Variants in BRSK2 observed in about 807,000 individuals in gnomAD.
BRSK2 encodes the protein BR serine/threonine kinase 2.
A neutral mutation model predicts 83.3 loss-of-function variants in BRSK2; 19 were observed. That is an observed-to-expected ratio of 0.23 (90% confidence interval 0.16 to 0.33). The LOEUF is 0.33. BRSK2 is among the 10% of genes least tolerant of loss of function. The pLI, the probability that BRSK2 is intolerant of heterozygous loss-of-function variation, is 1.00. For synonymous variants in BRSK2, 519 were observed against 435.4 expected, an observed-to-expected ratio of 1.19 and a Z score of -2.39; for missense variants, 798 against 1,042.3, an observed-to-expected ratio of 0.77 and a Z score of 3.23.
intron 1 of BRSK2, among the ~76,000 whole-genome samples, chr11:1,396,021 C>T (rs1183523489): frequency 2.0e-5 from 3 of 152,194 alleles, no homozygotes; most frequent in Non-Finnish European, 4.4e-5. Flanking sequence ...CTATCAAGGG[C>T]CGTGGCTCCT....
chr11:1,426,445 A>G (rs1849234854), intron 1 of BRSK2, among the ~76,000 whole-genome samples: 1 of 152,106 alleles, frequency 6.6e-6, no homozygotes, highest in Non-Finnish European at 1.5e-5. Flanking sequence ...TCCGCAGGAG[A>G]CAGAGCACGC....
intron 3 of BRSK2, 127 bp from the exon 4 acceptor site, chr11:1,440,661 C>CA: frequency 1.6e-6 from 2 of 1,280,388 alleles, no homozygotes; most frequent in Admixed American, 2.5e-5. Flanking sequence ...GCTGCCCCCC[C>CA]AGCCAGCAAG....
rs1396189485 is a variant in BRSK2 at position 1,390,888 on chromosome 11, G to A, written c.91+513G>A. ...CTCCGCGGTGGGGGCGGGAGAGTGC[G>A]GGGACCTGCAGAGGGCTGGACAGCG... On this transcript the variant is annotated intron_variant, in intron 1 of 19. Coordinates refer to ENST00000528841, the MANE Select transcript of BRSK2 (RefSeq NM_001256627.2). This position sits in a 1 kb window ranked among gnomAD's most constrained non-coding sequence, Gnocchi z 6.8. 2.0e-5 allele frequency among the ~76,000 whole-genome samples: 3 copies of A among 152,172 alleles called. No individual in the cohort carries two copies. Among genetic ancestry groups the A allele is most frequent in the Admixed American group, 2.0e-4 (3 of 15,288 alleles).
chr11:1,455,151 T>C (rs1846330746), intron 16 of BRSK2, among the ~76,000 whole-genome samples: 1 of 152,078 alleles, frequency 6.6e-6, no homozygotes, highest in Admixed American at 6.5e-5. Context: ...TTGCTGGGCA[T>C]CTTTGGGTTA....
rs781450515 is a variant in BRSK2 at position 1,462,161 on chromosome 11, G to A, written c.*1438G>A. ...CTCTGCAGGGCGTTCTGTGCAGAGC[G>A]AGGCCCAGGGCGCAGCCCTCAGAGG... On this transcript the variant is annotated 3_prime_UTR_variant, in exon 20 of 20. Transcript: ENST00000528841. 2 of 152,156 alleles carry A rather than the reference G, an allele frequency of 1.3e-5. No homozygotes were observed. Among genetic ancestry groups the A allele is most frequent in the African/African-American group, 4.8e-5 (2 of 41,412 alleles). The allele number at this position is 152,156 out of a possible 1,614,324, so 9.4% of individuals were successfully genotyped here.
At position 1,411,405 on chromosome 11, in the gene BRSK2, A is replaced by G. The variant is rs780243308; in HGVS notation, c.91+21030A>G. 1.2e-5 allele frequency: 17 copies of G among 1,463,982 alleles called. No homozygotes were observed. The highest frequency in any genetic ancestry group is 1.5e-5 in the African/African-American group (1 of 68,186). The allele number at this position is 1,463,982 out of a possible 1,614,324, so 90.7% of individuals were successfully genotyped here. ...CCTGGTAGGGCACCAGCCTCACCCC[A>G]TGAGCCCTGAGGGCCACCCCAGCCG... On this transcript the variant is annotated intron_variant, in intron 1 of 19. Transcript: ENST00000528841.
rs1452499096 is a variant in BRSK2 at position 1,456,503 on chromosome 11, C to T, written c.1824C>T (p.Tyr608=). 22 of 1,578,472 alleles carry T rather than the reference C, an allele frequency of 1.4e-5. No homozygotes were observed. Among genetic ancestry groups the T allele is most frequent in the South Asian group, 2.3e-5 (2 of 86,072 alleles). Residue 608 remains tyrosine, a synonymous_variant, in exon 17 of 20, where the codon TAC becomes TAT. Transcript: ENST00000528841. The part of the protein sequence containing the change: ...GGEAQKENGI[Y]SVTFTLLSGP... Reference sequence around the variant, plus strand: ...AGGCGCAGAAGGAGAACGGCATCTACTCCGTCACCTTCACCCTGCTCTCAG... The same window carrying T: ...AGGCGCAGAAGGAGAACGGCATCTATTCCGTCACCTTCACCCTGCTCTCAG...
At chr11:1,398,355 C>T (rs1016639577) in intron 1 of BRSK2, among the ~76,000 whole-genome samples, 5 of 152,102 alleles carry the variant, frequency 3.3e-5, no homozygotes, top group Admixed American at 6.5e-5. Flanking sequence ...CTTCCCTGGG[C>T]GGGGGTGACG....
chr11:1,451,967 C>T (rs147055907), intron 15 of BRSK2, among the ~76,000 whole-genome samples: 12 of 152,166 alleles, frequency 7.9e-5, no homozygotes, highest in Non-Finnish European at 1.5e-4. Context: ...CCAGAGAGAC[C>T]CCTTCCCAGC....
rs200864161 is a variant in BRSK2, at chr11:1,449,735, C to G, written c.1227-41C>G. 3.8e-6 allele frequency: 6 copies of G among 1,571,938 alleles called. No individual in the cohort carries two copies. In the African/African-American group the frequency reaches 8.1e-5, roughly 21 times the overall value. On this transcript the variant is annotated intron_variant, in intron 12 of 19. Transcript: ENST00000528841. The stretch of plus-strand genomic sequence containing the variant: ...GAGCCCAGCACCTGCTGCTCCACTG[C>G]CCCCTGGCTGAGCAGTGGCCCTGTA...
intron 1 of BRSK2, among the ~76,000 whole-genome samples, chr11:1,407,250 C>G (rs1353527563): frequency 6.6e-6 from 1 of 152,130 alleles, no homozygotes; most frequent in African/African-American, 2.4e-5. Flanking sequence ...GTGTGGGTCA[C>G]CGGCTCTGAC....
intron 12 of BRSK2, among the ~76,000 whole-genome samples, 163 bp downstream of exon 12, chr11:1,446,070 TGGCTGGGCTG>T (rs769125715): frequency 1.6e-4 from 9 of 54,694 alleles, no homozygotes; most frequent in East Asian, 3.8e-4. Context: ...GGGCTGGGCT[TGGCTGGGCTG>T]GGCTGGGCTT....
At chr11:1,414,512 C>T (rs900966253) in intron 1 of BRSK2, among the ~76,000 whole-genome samples, 14 of 152,212 alleles carry the variant, frequency 9.2e-5, no homozygotes, top group Admixed American at 9.2e-4. Context: ...TTGTTTGGAA[C>T]TTAGGCCAAG....
intron 1 of BRSK2, among the ~76,000 whole-genome samples, chr11:1,401,375 TAGTG>T (rs1157970096): frequency 6.6e-6 from 1 of 152,332 alleles, no homozygotes; most frequent in East Asian, 1.9e-4. Context: ...CTGTGTCTCA[TAGTG>T]AGTCTGTCTG....
At chr11:1,455,688 C>CA (rs1168907865) in intron 16 of BRSK2, among the ~76,000 whole-genome samples, 15 of 152,198 alleles carry the variant, frequency 9.9e-5, no homozygotes, top group African/African-American at 1.4e-4. Flanking sequence ...TCCTCGGCCT[C>CA]CTCCCTCACC....
At chr11:1,451,807 C>A (rs1036435155) in intron 15 of BRSK2, among the ~76,000 whole-genome samples, 1 of 152,138 alleles carries the variant, frequency 6.6e-6, no homozygotes, top group African/African-American at 2.4e-5. Flanking sequence ...GGTGGGAACA[C>A]GTGTGCAGGG....
At chr11:1,400,680 G>T (rs902453469) in intron 1 of BRSK2, among the ~76,000 whole-genome samples, 2 of 152,202 alleles carry the variant, frequency 1.3e-5, no homozygotes, top group African/African-American at 4.8e-5. Flanking sequence ...CCACATGGGA[G>T]GAATGGGCCC....
chr11:1,451,080 C>T (rs542520081), intron 14 of BRSK2, among the ~76,000 whole-genome samples: 42 of 152,360 alleles, frequency 2.8e-4, no homozygotes, highest in South Asian at 8.3e-4. Context: ...GGGGGCACTG[C>T]CAGTCAGGAG....
intron 12 of BRSK2, chr11:1,447,858 A>G: frequency 5.0e-6 from 8 of 1,596,394 alleles, no homozygotes; most frequent in Non-Finnish European, 6.8e-6. Context: ...TCAGCAAAGA[A>G]GACAGGTATA....
Sources: allele counts gnomAD v4.1 joint callset (sites outside exome capture counted in the v4.1 genomes callset), GRCh38; gene constraint gnomAD v4.1.1; non-coding constraint Gnocchi (gnomAD v3.1); transcripts MANE v1.5; gene names NCBI Gene and HGNC (gene_info 2026-07-23, HGNC 2026-07-21).